Variants in ZFPM2 observed in about 807,000 individuals in gnomAD.
The protein encoded by ZFPM2 is zinc finger protein, FOG family member 2.
In ZFPM2, 20 loss-of-function variants were observed where a neutral mutation model predicts 98.6. The ratio of observed to expected loss-of-function variants is 0.20; its 90% CI spans 0.14 to 0.29. ZFPM2 has a LOEUF of 0.29. Ranked by LOEUF, ZFPM2 falls within the 10% of genes least tolerant of loss-of-function variation. The probability of loss-of-function intolerance (pLI) is 1.00; values close to 1 mark genes in which losing one functional copy is unlikely to be tolerated. For synonymous variants in ZFPM2, 518 were observed against 502.7 expected, an observed-to-expected ratio of 1.03 and a Z score of -0.41; for missense variants, 1,310 against 1,388.6, an observed-to-expected ratio of 0.94 and a Z score of 0.90.
chr8:105,578,413 C>G (rs1293149129), intron 4 of ZFPM2, among the ~76,000 whole-genome samples: 1 of 86,878 alleles, frequency 1.2e-5, no homozygotes, highest in African/African-American at 6.1e-5. Flanking sequence ...TTGTTTTACT[C>G]CAGTTTCTCC....
At chr8:105,697,477 T>C (rs922450910) in intron 5 of ZFPM2, among the ~76,000 whole-genome samples, 1 of 152,188 alleles carries the variant, frequency 6.6e-6, no homozygotes, top group Admixed American at 6.5e-5. Context: ...AAATTACATA[T>C]GCTTTCAATT....
intron 1 of ZFPM2, among the ~76,000 whole-genome samples, chr8:105,353,140 A>G (rs1279914575): frequency 6.6e-6 from 1 of 152,118 alleles, no homozygotes; most frequent in East Asian, 1.9e-4. Flanking sequence ...TTACCTTCCT[A>G]ACTTTCACCT....
chr8:105,692,338 A>G (rs1298906733), intron 5 of ZFPM2, among the ~76,000 whole-genome samples: 2 of 152,210 alleles, frequency 1.3e-5, no homozygotes. Context: ...ATGTGTTCAT[A>G]TAGTGGATTA....
At chr8:105,396,543 A>G (rs1286195259) in intron 1 of ZFPM2, among the ~76,000 whole-genome samples, 2 of 152,214 alleles carry the variant, frequency 1.3e-5, no homozygotes, top group Admixed American at 6.5e-5. Flanking sequence ...TACATGTTCA[A>G]TATAGAAAGG....
At chr8:105,701,245 G>A (rs1233193661) in intron 5 of ZFPM2, among the ~76,000 whole-genome samples, 1 of 152,082 alleles carries the variant, frequency 6.6e-6, no homozygotes, top group Non-Finnish European at 1.5e-5. Context: ...TTTCTACTTG[G>A]AAAAAGACAG....
rs769869478 is a variant in ZFPM2 at position 105,803,498 on chromosome 8, A to T, written c.3416A>T (p.Lys1139Met). The T allele has an allele frequency of 6.2e-7, 1 of 1,612,236 alleles. No individual in the cohort carries two copies. Among genetic ancestry groups the T allele is most frequent in the East Asian group, 2.2e-5 (1 of 44,842 alleles). The change falls in exon 8 of 8, where the codon AAG (lysine) becomes ATG (methionine). Residue 1139 changes from lysine (K) to methionine (M), a missense_variant. Lys to Met is a moderately conservative substitution (Grantham distance 95). Coordinates refer to ENST00000407775, the MANE Select transcript of ZFPM2 (RefSeq NM_012082.4). ...NNLSNFITHK[K>M]FYCSSHAAEH... ...CTTTCAAACTTTATAACTCACAAGAAGTTTTATTGCTCATCACATGCAGCA... is the reference window on the plus strand; with the variant it reads ...CTTTCAAACTTTATAACTCACAAGATGTTTTATTGCTCATCACATGCAGCA...
intron 3 of ZFPM2, among the ~76,000 whole-genome samples, chr8:105,464,935 T>C (rs1812770702): frequency 6.6e-6 from 1 of 151,244 alleles, no homozygotes; most frequent in South Asian, 2.1e-4. Context: ...TATTTGTAGT[T>C]TGTTTGAAAA....
chr8:105,510,864 G>A (rs1813804063), intron 3 of ZFPM2, among the ~76,000 whole-genome samples: 1 of 152,194 alleles, frequency 6.6e-6, no homozygotes, highest in African/African-American at 2.4e-5. Flanking sequence ...CACAAAGAGT[G>A]TCTCCAAAGA....
At chr8:105,706,858 G>A (rs1315389111) in intron 5 of ZFPM2, among the ~76,000 whole-genome samples, 7 of 152,156 alleles carry the variant, frequency 4.6e-5, no homozygotes. Context: ...GGGATTACAG[G>A]CGTGAACCAC....
At chr8:105,762,030 A>T (rs1232792299) in intron 5 of ZFPM2, among the ~76,000 whole-genome samples, 1 of 151,924 alleles carries the variant, frequency 6.6e-6, no homozygotes, top group Non-Finnish European at 1.5e-5. Context: ...ATATATGTTA[A>T]TTCATAGCAT....
intron 5 of ZFPM2, among the ~76,000 whole-genome samples, chr8:105,679,621 C>T (rs1810554709): frequency 6.6e-6 from 1 of 151,552 alleles, no homozygotes; most frequent in Admixed American, 6.6e-5. Flanking sequence ...TGGCAAAACT[C>T]CATCTCTCAA....
chr8:105,419,024 G>A (rs1318510937), intron 1 of ZFPM2, 120 bp from the exon 2 acceptor site: 1 of 815,064 alleles, frequency 1.2e-6, no homozygotes, highest in African/African-American at 1.7e-5. Flanking sequence ...CCCCTTGGTG[G>A]TACTACTTAG....
At chr8:105,444,071 C>T (rs1450623189) in intron 2 of ZFPM2, among the ~76,000 whole-genome samples, 8 of 152,142 alleles carry the variant, frequency 5.3e-5, no homozygotes, top group Admixed American at 5.2e-4. Flanking sequence ...TACTTAACTT[C>T]ATTCATTTAT....
intron 5 of ZFPM2, chr8:105,690,886 T>G (rs1463381782): frequency 6.6e-6 from 1 of 152,158 alleles, no homozygotes; most frequent in Non-Finnish European, 1.5e-5. Context: ...ATCAGATTAC[T>G]AGGGAAACTA....
At chr8:105,423,593 C>T in intron 2 of ZFPM2, among the ~76,000 whole-genome samples, 1 of 152,130 alleles carries the variant, frequency 6.6e-6, no homozygotes, top group Non-Finnish European at 1.5e-5. Context: ...AGACTCAGTC[C>T]ATAAGTGCTA....
chr8:105,534,229 T>C, intron 3 of ZFPM2, among the ~76,000 whole-genome samples: 1 of 57,440 alleles, frequency 1.7e-5, no homozygotes, highest in Non-Finnish European at 3.1e-5. Flanking sequence ...TCTTCCTCCC[T>C]TCCTCCCTCC....
At chr8:105,612,305 G>A (rs1208871838) in intron 4 of ZFPM2, among the ~76,000 whole-genome samples, 3 of 151,902 alleles carry the variant, frequency 2.0e-5, no homozygotes, top group East Asian at 1.9e-4. Context: ...TTGCTATTAC[G>A]CATTATAAAA....
rs1815977957 is a variant in ZFPM2, at chr8:105,596,732, TTGTC to T, written c.420+35254_420+35257del. ...AGGAGGTCTCTGGGTAAGGCTGCCT[TTGTC>T]TGCTTTTTTTTTTTTTTTTTTTTTT... On this transcript the variant is annotated intron_variant, in intron 4 of 7. Coordinates refer to ENST00000407775, the MANE Select transcript of ZFPM2 (RefSeq NM_012082.4). Among the ~76,000 whole-genome samples the T allele has an allele frequency of 2.0e-5, 3 of 149,798 alleles. No homozygotes were observed. In the South Asian group the frequency reaches 6.5e-4, roughly 32 times the overall value.
At chr8:105,331,796 A>G (rs1303237335) in intron 1 of ZFPM2, among the ~76,000 whole-genome samples, 2 of 151,828 alleles carry the variant, frequency 1.3e-5, no homozygotes, top group South Asian at 2.1e-4. Flanking sequence ...AGACATCTAT[A>G]TGATCACTTA....
Sources: gnomAD v4.1 joint callset for allele counts (sites outside exome capture counted in the v4.1 genomes callset) on GRCh38, gnomAD v4.1.1 for gene constraint, MANE v1.5 for transcripts, NCBI Gene and HGNC (gene_info 2026-07-23, HGNC 2026-07-21) for gene names.